The following TOR1B variants were observed in gnomAD, a reference collection of about 807,000 sequenced individuals.
TOR1B encodes the protein torsin family 1 member B, also known as torsin-1B.
In TOR1B, 14 loss-of-function variants were observed where a neutral mutation model predicts 29.2. The observed-to-expected ratio is 0.48, with a 90% CI of 0.32 to 0.75. TOR1B has a LOEUF of 0.75. Ranked by LOEUF, TOR1B falls within the 30% of genes least tolerant of loss-of-function variation. The probability of loss-of-function intolerance (pLI) is 0.04; values close to 1 mark genes in which losing one functional copy is unlikely to be tolerated. For synonymous variants in TOR1B, 166 were observed against 179.8 expected (o/e 0.92, Z 0.62); for missense variants, 400 against 433.9 (o/e 0.92, Z 0.69).
intron 3 of TOR1B, 79 bp downstream of exon 3, chr9:129,807,442 C>A: frequency 6.5e-7 from 1 of 1,549,056 alleles, no homozygotes; most frequent in Non-Finnish European, 8.8e-7. Context: ...GGACCATCAG[C>A]ACTTTGTTTA....
Position 129,804,476 on chromosome 9 carries a change from C to A in TOR1B, c.465+138C>A, listed in dbSNP as rs1337119929. ...TCCACTGAGTTAAGGCACACTTAGT[C>A]CAGGTAGTTACAAAGCTCTCCTACA... On this transcript the variant is annotated intron_variant, in intron 2 of 4. Transcript: ENST00000259339. 12 of 1,088,028 alleles carry A rather than the reference C, an allele frequency of 1.1e-5. No homozygotes were observed. In the East Asian group the frequency reaches 2.1e-4, roughly 19 times the overall value. 67.4% of individuals were successfully genotyped at this position (1,088,028 alleles called of 1,614,324 possible).
chr9:129,804,331 T>C lies in TOR1B; in HGVS notation c.458T>C (p.Leu153Pro). The change falls in exon 2 of 5, where the codon CTG becomes CCG. Residue 153 changes from leucine to proline, a missense_variant. Coordinates refer to ENST00000259339, the MANE Select transcript of TOR1B (RefSeq NM_014506.3). ...TTCCCTCATGAGCAGAAGATAAAAC[T>C]GTACCAGGCAAGAGAACCCGCTATT... ...LHFPHEQKIKLYQDQLQKWIR... is the reference protein window; with the variant it reads ...LHFPHEQKIKPYQDQLQKWIR... The C allele has an allele frequency of 1.9e-6, 3 of 1,611,032 alleles. No individual in the cohort carries two copies. The highest frequency in any genetic ancestry group is 2.5e-6 in the Non-Finnish European group (3 of 1,177,244).
Position 129,809,183 on chromosome 9 carries a change from CAGTG to C in TOR1B, c.770-150_770-147del, listed in dbSNP as rs1448615004. On this transcript the variant is annotated intron_variant, in intron 4 of 4. Transcript: ENST00000259339. ...TCTTAGGGCATACTGTGCTAGAAAC[CAGTG>C]AGTGAGTGTCCAGCTGAGTCCTGCA... The C allele has an allele frequency of 5.3e-6, 8 of 1,513,210 alleles. No individual in the cohort carries two copies. In the African/African-American group the frequency reaches 9.7e-5, roughly 18 times the overall value. 93.7% of individuals were successfully genotyped at this position (1,513,210 alleles called of 1,614,324 possible).
rs564652898 is a variant in TOR1B, at chr9:129,804,608, C to G, written c.465+270C>G. 6.1e-5 allele frequency: 25 copies of G among 406,996 alleles called. No homozygotes were observed. The South Asian group carries it at 8.8e-4, about 14-fold the overall frequency. 25.2% of individuals were successfully genotyped at this position (406,996 alleles called of 1,614,324 possible). A position where few individuals can be genotyped will look rare whatever the true frequency, so the allele number is the denominator to read the frequency against. On this transcript the variant is annotated intron_variant, in intron 2 of 4. Transcript: ENST00000259339. Reference sequence around the variant, plus strand: ...GGCGCCGTGGCTCACGCCTGTAATCCCAGCATTTTGGGGAAGCCGAGGCGG... The same window carrying G: ...GGCGCCGTGGCTCACGCCTGTAATCGCAGCATTTTGGGGAAGCCGAGGCGG...
At position 129,810,554 on chromosome 9, in the gene TOR1B, A is replaced by G. The variant is rs2030807902; in HGVS notation, c.*971A>G. 1 of 553,710 alleles carries G rather than the reference A, an allele frequency of 1.8e-6. No individual in the cohort carries two copies. The highest frequency in any genetic ancestry group is 2.0e-5 in the African/African-American group (1 of 50,446). The allele number at this position is 553,710 out of a possible 1,614,324, so 34.3% of individuals were successfully genotyped here. A position where few individuals can be genotyped will look rare whatever the true frequency, so the allele number is the denominator to read the frequency against. Reference sequence around the variant, plus strand: ...CCCCCAACCATATATCATAGAGTTGAATCACAATGAGACCGTTGGCTTTGA... The same window carrying G: ...CCCCCAACCATATATCATAGAGTTGGATCACAATGAGACCGTTGGCTTTGA... On this transcript the variant is annotated 3_prime_UTR_variant, in exon 5 of 5. Transcript: ENST00000259339.
In TOR1B at chr9:129,803,257, G is replaced by A. The variant is rs761249203; in HGVS notation, c.45G>A (p.Leu15=). Residue 15 remains leucine, a synonymous_variant, in exon 1 of 5, where the codon CTG becomes CTA. Transcript: ENST00000259339. The part of the protein sequence containing the change: ...GWLRGAAALA[L]LLAARVVAAF... ...TCCGGGGCGCGGCGGCGCTGGCGCTGCTGCTGGCGGCCCGAGTGGTGGCGG... is the reference window on the plus strand; with the variant it reads ...TCCGGGGCGCGGCGGCGCTGGCGCTACTGCTGGCGGCCCGAGTGGTGGCGG... The A allele has an allele frequency of 6.4e-7, 1 of 1,556,528 alleles. No individual in the cohort carries two copies. Among genetic ancestry groups the A allele is most frequent in the Admixed American group, 1.9e-5 (1 of 53,738 alleles).
chr9:129,810,183 A>T lies in TOR1B; in HGVS notation c.*600A>T. The T allele has an allele frequency of 7.7e-7, 1 of 1,304,232 alleles. No homozygotes were observed. The highest frequency in any genetic ancestry group is 1.0e-6 in the Non-Finnish European group (1 of 988,938). 80.8% of individuals were successfully genotyped at this position (1,304,232 alleles called of 1,614,324 possible). ...GCAGGCTGCGGGGCACTGTGTTCTC[A>T]TTGGCCAAAAACATCCTTTTGCTCT... On this transcript the variant is annotated 3_prime_UTR_variant, in exon 5 of 5. Coordinates refer to ENST00000259339, the MANE Select transcript of TOR1B (RefSeq NM_014506.3).
At chr9:129,807,489 C>T in intron 3 of TOR1B, 126 bp downstream of exon 3, 6 of 1,105,428 alleles carry the variant, frequency 5.4e-6, no homozygotes, top group Non-Finnish European at 7.8e-6. Context: ...AAGGCACTTA[C>T]CTACTGCTTT....
chr9:129,808,838 C>T, intron 3 of TOR1B, 67 bp from the exon 4 acceptor site: 5 of 1,593,402 alleles, frequency 3.1e-6, no homozygotes, highest in Non-Finnish European at 4.3e-6. Context: ...AGGCATGAGC[C>T]ACCACACCCA....
intron 2 of TOR1B, among the ~76,000 whole-genome samples, chr9:129,804,877 G>T (rs896576512): frequency 7.0e-6 from 1 of 143,076 alleles, no homozygotes. Flanking sequence ...AGTGGCTCAC[G>T]CCTGTAATCC....
chr9:129,807,286 C>T lies in TOR1B; in HGVS notation c.564C>T (p.Asp188=), dbSNP rs370145247. 44 of 1,613,988 alleles carry T rather than the reference C, an allele frequency of 2.7e-5. No homozygotes were observed. Among genetic ancestry groups the T allele is most frequent in the African/African-American group, 2.3e-4 (17 of 74,900 alleles). Residue 188 remains aspartate, a synonymous_variant, in exon 3 of 5, where the codon GAC becomes GAT. Transcript: ENST00000259339. ...ATAAATTGCACCCCGGGATCATTGA[C>T]GCAATCAAGCCGTTTCTAGACTACT... The part of the protein sequence containing the change: ...EMDKLHPGII[D]AIKPFLDYYE...
chr9:129,803,389 G>T lies in TOR1B; in HGVS notation c.177G>T (p.Glu59Asp). 6.4e-7 allele frequency: 1 copy of T among 1,551,064 alleles called. No homozygotes were observed. The change falls in exon 1 of 5, where the codon GAG (glutamate) becomes GAT (aspartate). Residue 59 changes from glutamate (E) to aspartate (D), a missense_variant. Glu to Asp is a conservative substitution (Grantham distance 45, BLOSUM62 2). Coordinates refer to ENST00000259339, the MANE Select transcript of TOR1B (RefSeq NM_014506.3). The part of the protein sequence containing the change: ...IYCRFAECCR[E>D]ERPLNASALK... ...GCCGCTTCGCCGAGTGCTGCCGCGA[G>T]GAGCGGCCGCTCAACGCTTCGGGTA...
Position 129,803,306 on chromosome 9 carries a change from C to T in TOR1B, c.94C>T (p.Leu32=). 1 of 1,589,370 alleles carries T rather than the reference C, an allele frequency of 6.3e-7. No individual in the cohort carries two copies. Among genetic ancestry groups the T allele is most frequent in the Non-Finnish European group, 8.5e-7 (1 of 1,171,792 alleles). Reference sequence around the variant, plus strand: ...GGCGTTCGAGCCCATCACCGTGGGCCTAGCCATCGGGGCCGCGTCGGCCAT... The same window carrying T: ...GGCGTTCGAGCCCATCACCGTGGGCTTAGCCATCGGGGCCGCGTCGGCCAT... ...VAAFEPITVG[L]AIGAASAITG... Residue 32 remains leucine (L), a synonymous_variant, in exon 1 of 5, where the codon CTA becomes TTA. Transcript: ENST00000259339.
chr9:129,805,284 G>A (rs889976852), intron 2 of TOR1B, among the ~76,000 whole-genome samples: 3 of 151,940 alleles, frequency 2.0e-5, no homozygotes, highest in African/African-American at 4.8e-5. Flanking sequence ...GAGAAACCCC[G>A]TCTCTACTGA....
At chr9:129,804,534 G>C in intron 2 of TOR1B, 196 bp downstream of exon 2, 1 of 664,186 alleles carries the variant, frequency 1.5e-6, no homozygotes, top group Non-Finnish European at 2.5e-6. Flanking sequence ...AAACAGTCCA[G>C]TGGGGTAGGG....
rs1356790696 is a variant in TOR1B at position 129,807,223 on chromosome 9, T to C, written c.501T>C (p.Ser167=). Residue 167 remains serine, a synonymous_variant, in exon 3 of 5, where the codon AGT becomes AGC. Coordinates refer to ENST00000259339, the MANE Select transcript of TOR1B (RefSeq NM_014506.3). ...QLQKWIRGNV[S]ACANSVFIFD... is the part of the protein sequence containing the mutation. ...AGAAGTGGATCCGCGGTAATGTGAG[T>C]GCATGTGCGAACTCTGTTTTCATAT... 1.2e-6 allele frequency: 2 copies of C among 1,614,108 alleles called. No individual in the cohort carries two copies. Among genetic ancestry groups the C allele is most frequent in the Non-Finnish European group, 1.7e-6 (2 of 1,180,022 alleles).
chr9:129,807,321 T>C lies in TOR1B; in HGVS notation c.599T>C (p.Val200Ala). 3 of 1,614,166 alleles carry C rather than the reference T, an allele frequency of 1.9e-6. No homozygotes were observed. The highest frequency in any genetic ancestry group is 2.5e-6 in the Non-Finnish European group (3 of 1,180,036). ...CCGTTTCTAGACTACTACGAGCAGG[T>C]TGACGGAGTGTCTTACCGCAAAGCC... ...IKPFLDYYEQ[V>A]DGVSYRKAIF... The change falls in exon 3 of 5, where the codon GTT (valine) becomes GCT (alanine). Residue 200 changes from valine (V) to alanine (A), a missense_variant. By Grantham distance (64) the Val-to-Ala change is moderately conservative (BLOSUM62 0). Transcript: ENST00000259339.
chr9:129,807,428 C>T (rs532426273), intron 3 of TOR1B, 65 bp downstream of exon 3: 326 of 1,580,324 alleles, frequency 2.1e-4, no homozygotes, highest in African/African-American at 1.2e-3. Flanking sequence ...AAATGAGGTC[C>T]TGAGGACCAT....
Position 129,803,243 on chromosome 9 carries a change from G to A in TOR1B, c.31G>A (p.Ala11Thr), listed in dbSNP as rs2030259580. The change falls in exon 1 of 5, where the codon GCG becomes ACG. Residue 11 changes from alanine (A) to threonine (T), a missense_variant. By Grantham distance (58) the Ala-to-Thr change is moderately conservative. Transcript: ENST00000259339. MLRAGWLRGA[A>T]ALALLLAARV... ...GCGGGCTGGGTGGCTCCGGGGCGCGGCGGCGCTGGCGCTGCTGCTGGCGGC... is the reference window on the plus strand; with the variant it reads ...GCGGGCTGGGTGGCTCCGGGGCGCGACGGCGCTGGCGCTGCTGCTGGCGGC... 2 of 1,543,800 alleles carry A rather than the reference G, an allele frequency of 1.3e-6. No homozygotes were observed. The highest frequency in any genetic ancestry group is 2.5e-5 in the East Asian group (1 of 40,246).
Sources: allele counts gnomAD v4.1 joint callset (sites outside exome capture counted in the v4.1 genomes callset), GRCh38; gene constraint gnomAD v4.1.1; transcripts MANE v1.5; gene names NCBI Gene and HGNC (gene_info 2026-07-23, HGNC 2026-07-21).